The following LRFN5 variants were observed in gnomAD, a reference collection of about 807,000 sequenced individuals.
LRFN5 encodes the protein leucine-rich repeat and fibronectin type-III domain-containing protein 5.
Under a neutral mutation model 45.6 loss-of-function variants are expected in LRFN5, and 24 were observed. The ratio of observed to expected loss-of-function variants is 0.53; its 90% CI spans 0.38 to 0.74. The LOEUF (loss-of-function observed/expected upper bound fraction) is 0.74. Among genes scored for constraint, LRFN5 ranks in the 30% least tolerant of loss-of-function variants. The pLI is 0.00. For synonymous variants in LRFN5, 340 were observed against 313.8 expected, an observed-to-expected ratio of 1.08 and a Z score of -0.88; for missense variants, 776 against 861.5, an observed-to-expected ratio of 0.90 and a Z score of 1.24.
intron 1 of LRFN5, among the ~76,000 whole-genome samples, chr14:41,754,994 C>G (rs1885309371): frequency 6.6e-6 from 1 of 152,096 alleles, no homozygotes; most frequent in African/African-American, 2.4e-5. Flanking sequence ...CAAAGTACAT[C>G]TTTATTTCTG....
chr14:41,798,994 A>G (rs1887230845), intron 2 of LRFN5, among the ~76,000 whole-genome samples: 1 of 151,870 alleles, frequency 6.6e-6, no homozygotes. Context: ...TTATCATTTT[A>G]CCTTGTATTA....
chr14:41,871,824 C>A (rs753865439), intron 2 of LRFN5, among the ~76,000 whole-genome samples: 36 of 152,078 alleles, frequency 2.4e-4, no homozygotes, highest in Non-Finnish European at 4.4e-4. Flanking sequence ...ACTTTTTTTA[C>A]TAATTCTAAT....
chr14:41,863,732 G>A (rs568227112), intron 2 of LRFN5, among the ~76,000 whole-genome samples: 21 of 152,216 alleles, frequency 1.4e-4, no homozygotes, highest in African/African-American at 4.8e-4. Flanking sequence ...CTTGGAGAAC[G>A]TGCAGGTTTG....
At chr14:41,620,489 C>G (rs184519016) in intron 1 of LRFN5, among the ~76,000 whole-genome samples, 1 of 151,878 alleles carries the variant, frequency 6.6e-6, no homozygotes, top group African/African-American at 2.4e-5. Flanking sequence ...AGGACATGTT[C>G]GAAGAATTGA....
intron 3 of LRFN5, among the ~76,000 whole-genome samples, chr14:41,890,722 A>AT (rs371433668): frequency 0.3 from 44,268 of 150,058 alleles, 6,959 homozygotes; most frequent in Middle Eastern, 0.41. Flanking sequence ...AAAAAAAAAA[A>AT]ACTTTAATCT....
intron 1 of LRFN5, among the ~76,000 whole-genome samples, chr14:41,670,696 T>A (rs1881167909): frequency 6.6e-6 from 1 of 151,952 alleles, no homozygotes; most frequent in African/African-American, 2.4e-5. Flanking sequence ...TGAAATAGGC[T>A]CAGGATTTAT....
chr14:41,678,639 G>C (rs1881746733), intron 1 of LRFN5, among the ~76,000 whole-genome samples: 1 of 152,002 alleles, frequency 6.6e-6, no homozygotes. Context: ...AACATCTTAG[G>C]TGGATAAACT....
At chr14:41,862,748 A>G (rs550735846) in intron 2 of LRFN5, among the ~76,000 whole-genome samples, 1 of 152,234 alleles carries the variant, frequency 6.6e-6, no homozygotes, top group South Asian at 2.1e-4. Flanking sequence ...TGTAGTAGTA[A>G]CACAGTGTTA....
At chr14:41,822,664 G>T (rs1394494613) in intron 2 of LRFN5, among the ~76,000 whole-genome samples, 2 of 151,870 alleles carry the variant, frequency 1.3e-5, no homozygotes, top group East Asian at 3.9e-4. Flanking sequence ...AGGTTCATTT[G>T]GTCTAGCATC....
intron 5 of LRFN5, among the ~76,000 whole-genome samples, chr14:41,902,682 C>G (rs1168767552): frequency 6.6e-6 from 1 of 151,742 alleles, no homozygotes; most frequent in South Asian, 2.1e-4. Context: ...ATCCTGGAAC[C>G]ATTTATTACT....
intron 1 of LRFN5, among the ~76,000 whole-genome samples, chr14:41,663,514 G>C (rs1880754020): frequency 6.6e-6 from 1 of 151,994 alleles, no homozygotes; most frequent in Non-Finnish European, 1.5e-5. Flanking sequence ...AGAATAGAGA[G>C]GAAAGAGTGC....
intron 1 of LRFN5, among the ~76,000 whole-genome samples, chr14:41,747,893 C>A (rs1360564093): frequency 6.6e-6 from 1 of 151,940 alleles, no homozygotes; most frequent in African/African-American, 2.4e-5. Flanking sequence ...TGGAAAACAA[C>A]ATATAATAAA....
At chr14:41,776,366 G>T (rs975395000) in intron 2 of LRFN5, among the ~76,000 whole-genome samples, 1 of 152,084 alleles carries the variant, frequency 6.6e-6, no homozygotes, top group African/African-American at 2.4e-5. Context: ...TACCACGTGA[G>T]TATCCCCGTT....
At chr14:41,892,950 A>T (rs1890832228) in intron 4 of LRFN5, 41 of 985,186 alleles carry the variant, frequency 4.2e-5, no homozygotes, top group Non-Finnish European at 4.7e-5. Flanking sequence ...AACATACAAG[A>T]CTGCCTTTAT....
intron 2 of LRFN5, among the ~76,000 whole-genome samples, chr14:41,807,114 G>A (rs1887551977): frequency 6.6e-6 from 1 of 152,156 alleles, no homozygotes; most frequent in Non-Finnish European, 1.5e-5. Context: ...AAAGAAATAA[G>A]ATACATTCTG....
Position 41,804,354 on chromosome 14 carries a change from G to A in LRFN5, c.-21+37325G>A, listed in dbSNP as rs553645035. ...GTAGGGCCCACAGGACAAGTTGGCA[G>A]ATCTGGGTGGAGCCATTTGGTCATC... On this transcript the variant is annotated intron_variant, in intron 2 of 5. Transcript: ENST00000298119. Among the ~76,000 whole-genome samples the A allele has an allele frequency of 1.5e-4, 23 of 152,234 alleles. 2 individuals are homozygous for A. In the South Asian group the frequency reaches 3.1e-3, roughly 21 times the overall value.
intron 1 of LRFN5, among the ~76,000 whole-genome samples, chr14:41,627,164 G>A (rs539201821): frequency 6.6e-6 from 1 of 152,008 alleles, no homozygotes; most frequent in Non-Finnish European, 1.5e-5. Context: ...CACATAACAA[G>A]TAATTCATCT....
intron 1 of LRFN5, among the ~76,000 whole-genome samples, chr14:41,671,977 C>A (rs1881258428): frequency 6.6e-6 from 1 of 152,166 alleles, no homozygotes; most frequent in African/African-American, 2.4e-5. Flanking sequence ...AAGCATCTAA[C>A]CATGTTCAAG....
At chr14:41,704,442 C>CTGTGTGTG (rs1190054164) in intron 1 of LRFN5, among the ~76,000 whole-genome samples, 1 of 127,844 alleles carries the variant, frequency 7.8e-6, no homozygotes, top group African/African-American at 3.5e-5. Flanking sequence ...CTCTCTCTCT[C>CTGTGTGTG]TCTCTCTGTG....
Sources: allele counts gnomAD v4.1 joint callset (sites outside exome capture counted in the v4.1 genomes callset), GRCh38; gene constraint gnomAD v4.1.1; transcripts MANE v1.5; gene names NCBI Gene and HGNC (gene_info 2026-07-23, HGNC 2026-07-21).